The following LRRC59 variants were observed in gnomAD, a reference collection of about 807,000 sequenced individuals.
LRRC59 encodes the protein leucine-rich repeat-containing protein 59.
Under a neutral mutation model 33.5 loss-of-function variants are expected in LRRC59, and 18 were observed. The ratio of observed to expected loss-of-function variants is 0.54; its 90% CI spans 0.37 to 0.80. LRRC59 has a LOEUF of 0.80. LRRC59 is among the 30% of genes least tolerant of loss of function. The pLI, the probability that LRRC59 is intolerant of heterozygous loss-of-function variation, is 0.00. For missense variants in LRRC59, 330 were observed against 391.9 expected, an observed-to-expected ratio of 0.84 and a Z score of 1.33; for synonymous variants, 138 against 160.0, an observed-to-expected ratio of 0.86 and a Z score of 1.04.
chr17:50,395,647 G>A (rs1288489246), intron 1 of LRRC59, among the ~76,000 whole-genome samples: 3 of 152,164 alleles, frequency 2.0e-5, no homozygotes, highest in African/African-American at 7.2e-5. Context: ...GGGTGCGGTG[G>A]CTCACGCCTG....
At chr17:50,393,013 T>C in intron 2 of LRRC59, 116 bp from the exon 3 acceptor site, 2 of 1,031,088 alleles carry the variant, frequency 1.9e-6, no homozygotes, top group Non-Finnish European at 2.8e-6. Context: ...AGATTTTTTT[T>C]CCTTTTTCAG....
At chr17:50,389,807 C>G (rs1914097769) in intron 4 of LRRC59, among the ~76,000 whole-genome samples, 1 of 152,140 alleles carries the variant, frequency 6.6e-6, no homozygotes, top group Non-Finnish European at 1.5e-5. Flanking sequence ...TTTCAAAAGC[C>G]TGGTTTGGGC....
intron 4 of LRRC59, 134 bp from the exon 5 acceptor site, chr17:50,388,266 T>C (rs1914058524): frequency 2.5e-6 from 2 of 805,784 alleles, no homozygotes; most frequent in East Asian, 2.6e-5. Flanking sequence ...AGGCTGAATG[T>C]GGTGGCTCAC....
intron 4 of LRRC59, among the ~76,000 whole-genome samples, chr17:50,390,526 CAAT>C (rs1294563072): frequency 6.6e-6 from 1 of 152,186 alleles, no homozygotes; most frequent in East Asian, 1.9e-4. Context: ...AAAACACAGG[CAAT>C]GCAGAAATGG....
In LRRC59 at chr17:50,385,245, C is replaced by T. The variant is rs960172255; in HGVS notation, c.549G>A (p.Gln183=). The change falls in exon 6 of 7, where the codon CAG becomes CAA. Residue 183 remains glutamine, a synonymous_variant. Coordinates refer to ENST00000225972, the MANE Select transcript of LRRC59 (RefSeq NM_018509.4). The stretch of plus-strand genomic sequence containing the variant: ...TCTCCCGCTTCCGCAGTTCCCGCTC[C>T]TGAGCTTCCTTAGCTCGCTGCTTAG... ...REAKQRAKEA[Q]ERELRKREKA... is the part of the protein sequence containing the mutation. 1.2e-6 allele frequency: 2 copies of T among 1,614,170 alleles called. No individual in the cohort carries two copies. Among genetic ancestry groups the T allele is most frequent in the South Asian group, 1.1e-5 (1 of 91,084 alleles).
chr17:50,382,795 T>C lies in LRRC59; in HGVS notation c.*193A>G, dbSNP rs972801767. ...CCACGCCCCCCCGCCACCTCCCATT[T>C]CTCCTCATTCCTTCAGGGAACCCTG... On this transcript the variant is annotated 3_prime_UTR_variant, in exon 7 of 7. Coordinates refer to ENST00000225972, the MANE Select transcript of LRRC59 (RefSeq NM_018509.4). 3 of 604,442 alleles carry C rather than the reference T, an allele frequency of 5.0e-6. No homozygotes were observed. Among genetic ancestry groups the C allele is most frequent in the Non-Finnish European group, 8.0e-6 (3 of 374,948 alleles). The allele number at this position is 604,442 out of a possible 1,614,324, so 37.4% of individuals were successfully genotyped here. A position where few individuals can be genotyped will look rare whatever the true frequency, so the allele number is the denominator to read the frequency against.
In LRRC59 at chr17:50,385,250, C is replaced by A; in HGVS notation, c.544G>T (p.Ala182Ser). The A allele has an allele frequency of 6.2e-7, 1 of 1,614,148 alleles. No homozygotes were observed. Among genetic ancestry groups the A allele is most frequent in the Non-Finnish European group, 8.5e-7 (1 of 1,180,038 alleles). The change falls in exon 6 of 7, where the codon GCT (alanine) becomes TCT (serine). Residue 182 changes from alanine (A) to serine (S), a missense_variant. By Grantham distance (99) the Ala-to-Ser change is moderately conservative. Transcript: ENST00000225972. ...KREAKQRAKE[A>S]QERELRKREK... Reference sequence around the variant, plus strand: ...CGCTTCCGCAGTTCCCGCTCCTGAGCTTCCTTAGCTCGCTGCTTAGCCTCA... The same window carrying A: ...CGCTTCCGCAGTTCCCGCTCCTGAGATTCCTTAGCTCGCTGCTTAGCCTCA...
chr17:50,383,168 C>T lies in LRRC59; in HGVS notation c.744G>A (p.Leu248=). The change falls in exon 7 of 7, where the codon CTG becomes CTA. Residue 248 remains leucine (L), a synonymous_variant. Coordinates refer to ENST00000225972, the MANE Select transcript of LRRC59 (RefSeq NM_018509.4). ...ATAGCAGCAGCAGCAGCAGCAGCTT[C>T]AGCACAGCCCAGGAACGAGTGTGCT... is the stretch of plus-strand genomic sequence containing the variant. The part of the protein sequence containing the change: ...PRKHTRSWAV[L]KLLLLLLLFG... 1 of 1,569,290 alleles carries T rather than the reference C, an allele frequency of 6.4e-7. No homozygotes were observed.
At chr17:50,390,033 G>A (rs1914103462) in intron 4 of LRRC59, among the ~76,000 whole-genome samples, 2 of 151,194 alleles carry the variant, frequency 1.3e-5, no homozygotes, top group Admixed American at 1.3e-4. Flanking sequence ...GGGAGGTGGA[G>A]GTTGCAGTGA....
chr17:50,385,012 C>G, intron 6 of LRRC59, 106 bp downstream of exon 6: 1 of 1,308,882 alleles, frequency 7.6e-7, no homozygotes, highest in East Asian at 2.3e-5. Context: ...TTAGAGTGTA[C>G]TTTATCTAAG....
rs748196875 is a variant in LRRC59, at chr17:50,385,227, C to T, written c.567G>A (p.Lys189=). Reference sequence around the variant, plus strand: ...GCTCCTTCTCTTCCGCCTTCTCCCGCTTCCGCAGTTCCCGCTCCTGAGCTT... The same window carrying T: ...GCTCCTTCTCTTCCGCCTTCTCCCGTTTCCGCAGTTCCCGCTCCTGAGCTT... ...AKEAQERELR[K]REKAEEKERR... Residue 189 remains lysine, a synonymous_variant, in exon 6 of 7, where the codon AAG becomes AAA. Coordinates refer to ENST00000225972, the MANE Select transcript of LRRC59 (RefSeq NM_018509.4). 7 of 1,614,182 alleles carry T rather than the reference C, an allele frequency of 4.3e-6. No homozygotes were observed. Among genetic ancestry groups the T allele is most frequent in the South Asian group, 1.1e-5 (1 of 91,088 alleles).
Position 50,392,789 on chromosome 17 carries a change from G to C in LRRC59, c.274C>G (p.Leu92Val), listed in dbSNP as rs1914178490. The C allele has an allele frequency of 1.9e-6, 3 of 1,614,184 alleles. No homozygotes were observed. Among genetic ancestry groups the C allele is most frequent in the Non-Finnish European group, 1.7e-6 (2 of 1,180,016 alleles). The change falls in exon 3 of 7, where the codon CTC (leucine) becomes GTC (valine). Residue 92 changes from leucine (L) to valine (V), a missense_variant. Coordinates refer to ENST00000225972, the MANE Select transcript of LRRC59 (RefSeq NM_018509.4). Reference protein sequence around the residue: ...GRLVNLQHLDLLNNKLVTLPV... With the variant: ...GRLVNLQHLDVLNNKLVTLPV... ...AAGGTGACCAGCTTGTTGTTGAGGA[G>C]ATCCAGGTGCTGGAGGTTGACCAGA...
At position 50,385,240 on chromosome 17, in the gene LRRC59, C is replaced by T. The variant is rs979838663; in HGVS notation, c.554G>A (p.Arg185Gln). ...AKQRAKEAQE[R>Q]ELRKREKAEE... ...CGCCTTCTCCCGCTTCCGCAGTTCC[C>T]GCTCCTGAGCTTCCTTAGCTCGCTG... is the stretch of plus-strand genomic sequence containing the variant. The change falls in exon 6 of 7, where the codon CGG becomes CAG. Residue 185 changes from arginine (R) to glutamine (Q), a missense_variant. Physicochemically the swap from Arg to Gln is conservative, Grantham distance 43. Transcript: ENST00000225972. 3 of 1,614,016 alleles carry T rather than the reference C, an allele frequency of 1.9e-6. No homozygotes were observed. The highest frequency in any genetic ancestry group is 4.5e-5 in the East Asian group (2 of 44,892).
At chr17:50,387,972 C>T (rs2143360947) in intron 5 of LRRC59, 88 bp downstream of exon 5, 3 of 1,325,176 alleles carry the variant, frequency 2.3e-6, no homozygotes, top group Non-Finnish European at 3.3e-6. Flanking sequence ...TTCATGACTA[C>T]TCTACTGGAT....
intron 6 of LRRC59, 116 bp from the exon 7 acceptor site, chr17:50,383,351 C>T (rs1913917376): frequency 7.6e-7 from 1 of 1,308,838 alleles, no homozygotes; most frequent in Non-Finnish European, 1.0e-6. Flanking sequence ...CAAGCAAAAA[C>T]TCCCCAGGCC....
At chr17:50,389,806 C>G (rs531471977) in intron 4 of LRRC59, among the ~76,000 whole-genome samples, 1 of 152,202 alleles carries the variant, frequency 6.6e-6, no homozygotes, top group South Asian at 2.1e-4. Context: ...CTTTCAAAAG[C>G]CTGGTTTGGG....
At chr17:50,389,203 T>G (rs976652916) in intron 4 of LRRC59, among the ~76,000 whole-genome samples, 2 of 152,152 alleles carry the variant, frequency 1.3e-5, no homozygotes, top group African/African-American at 4.8e-5. Flanking sequence ...ACACTTGTAC[T>G]CGGCAATCTG....
intron 4 of LRRC59, among the ~76,000 whole-genome samples, chr17:50,389,643 C>CT (rs1317746035): frequency 6.6e-6 from 1 of 152,180 alleles, no homozygotes; most frequent in African/African-American, 2.4e-5. Context: ...TACTACTGCA[C>CT]TTAACAATTA....
rs1019392330 is a variant in LRRC59 at position 50,381,653 on chromosome 17, C to G, written c.*1335G>C. 6.5e-6 allele frequency: 1 copy of G among 152,684 alleles called. No individual in the cohort carries two copies. Among genetic ancestry groups the G allele is most frequent in the African/African-American group, 2.4e-5 (1 of 41,474 alleles). The allele number at this position is 152,684 out of a possible 1,614,324, so 9.5% of individuals were successfully genotyped here. ...GTGTCTCTGAACTATGAGATTCTTGCTCCCTCCGGGGGAGCCAAGGAGCTT... is the reference window on the plus strand; with the variant it reads ...GTGTCTCTGAACTATGAGATTCTTGGTCCCTCCGGGGGAGCCAAGGAGCTT... On this transcript the variant is annotated 3_prime_UTR_variant, in exon 7 of 7. Transcript: ENST00000225972.
Sources: gnomAD v4.1 joint callset for allele counts (sites outside exome capture counted in the v4.1 genomes callset) on GRCh38, gnomAD v4.1.1 for gene constraint, MANE v1.5 for transcripts, NCBI Gene and HGNC (gene_info 2026-07-23, HGNC 2026-07-21) for gene names.